The following ACBD6 variants were observed in gnomAD, a reference collection of about 807,000 sequenced individuals.
ACBD6 encodes acyl-CoA binding domain containing 6.
Under a neutral mutation model 37.2 loss-of-function variants are expected in ACBD6, and 28 were observed. The ratio of observed to expected loss-of-function variants is 0.75; its 90% CI spans 0.56 to 1.03. ACBD6 has a LOEUF of 1.03. ACBD6 is among the 50% of genes least tolerant of loss of function. The probability of loss-of-function intolerance (pLI) is 0.00; values close to 1 mark genes in which losing one functional copy is unlikely to be tolerated. For synonymous variants in ACBD6, 113 were observed against 126.8 expected, an observed-to-expected ratio of 0.89 and a Z score of 0.73; for missense variants, 340 against 337.4, an observed-to-expected ratio of 1.01 and a Z score of -0.06.
intron 4 of ACBD6, among the ~76,000 whole-genome samples, chr1:180,422,950 T>C (rs190887157): frequency 7.0e-4 from 106 of 152,350 alleles, no homozygotes; most frequent in Admixed American, 6.9e-3. Context: ...AGTTATGATT[T>C]AATACTGCAT....
At chr1:180,434,816 C>T (rs969581089) in intron 3 of ACBD6, 16 of 721,058 alleles carry the variant, frequency 2.2e-5, no homozygotes, top group Non-Finnish European at 2.9e-5. Context: ...GTGCCACCCA[C>T]GAATGCCAAT....
At chr1:180,399,122 T>C (rs1165655571) in intron 5 of ACBD6, among the ~76,000 whole-genome samples, 4 of 152,232 alleles carry the variant, frequency 2.6e-5, no homozygotes, top group Non-Finnish European at 5.9e-5. Context: ...CCTGTAAATA[T>C]CTGTTTTCTA....
intron 6 of ACBD6, among the ~76,000 whole-genome samples, chr1:180,378,034 T>C (rs922958422): frequency 6.6e-6 from 1 of 151,712 alleles, no homozygotes. Context: ...AGTATCTCAC[T>C]CCACCCCATA....
At chr1:180,304,453 T>A (rs1015649217) in intron 7 of ACBD6, among the ~76,000 whole-genome samples, 17 of 150,920 alleles carry the variant, frequency 1.1e-4, no homozygotes, top group Non-Finnish European at 2.5e-4. Context: ...AGCATTCTTA[T>A]ACAACAATAA....
At chr1:180,481,744 C>T (rs1301744644) in intron 3 of ACBD6, among the ~76,000 whole-genome samples, 1 of 152,178 alleles carries the variant, frequency 6.6e-6, no homozygotes. Flanking sequence ...GTTGGAAATA[C>T]ACTCTAAGAG....
At chr1:180,301,211 A>G (rs1237915191) in intron 7 of ACBD6, among the ~76,000 whole-genome samples, 1 of 152,188 alleles carries the variant, frequency 6.6e-6, no homozygotes, top group Non-Finnish European at 1.5e-5. Context: ...CTTTTTAAAG[A>G]GTACAAAATG....
chr1:180,502,022 C>G, intron 1 of ACBD6, 23 bp downstream of exon 1: 1 of 1,610,734 alleles, frequency 6.2e-7, no homozygotes, highest in Non-Finnish European at 8.5e-7. Flanking sequence ...TCTCCCCCAT[C>G]CACCCTCTCC....
At chr1:180,278,232 C>T (rs1265901503) in intron 9 of ACBD6, 4 of 152,154 alleles carry the variant, frequency 2.6e-5, no homozygotes, top group Admixed American at 6.5e-5. Flanking sequence ...AATTGGAAAC[C>T]GTGAGATGAA....
intron 1 of ACBD6, among the ~76,000 whole-genome samples, chr1:180,498,640 G>A (rs559746149): frequency 6.6e-6 from 1 of 152,212 alleles, no homozygotes; most frequent in South Asian, 2.1e-4. Flanking sequence ...GATCACCTGA[G>A]ATCAGGAGAC....
intron 6 of ACBD6, among the ~76,000 whole-genome samples, chr1:180,342,726 A>T (rs1298441811): frequency 6.6e-6 from 1 of 152,092 alleles, no homozygotes; most frequent in African/African-American, 2.4e-5. Context: ...GTATAAGCCC[A>T]AACATTTTTT....
intron 7 of ACBD6, among the ~76,000 whole-genome samples, chr1:180,290,816 A>G (rs887278876): frequency 6.6e-6 from 1 of 152,254 alleles, no homozygotes; most frequent in African/African-American, 2.4e-5. Flanking sequence ...GGGAAGCAGT[A>G]CAAAGAGTTG....
chr1:180,339,448 G>A (rs368202514), intron 6 of ACBD6, among the ~76,000 whole-genome samples: 17 of 152,264 alleles, frequency 1.1e-4, no homozygotes, highest in South Asian at 8.3e-4. Flanking sequence ...ACCAAACACC[G>A]CATGTTCTCA....
chr1:180,338,509 C>T (rs915455402), intron 6 of ACBD6, among the ~76,000 whole-genome samples: 27 of 152,182 alleles, frequency 1.8e-4, no homozygotes, highest in African/African-American at 6.5e-4. Context: ...CTTCCTTACA[C>T]CTTCTACAAA....
intron 3 of ACBD6, among the ~76,000 whole-genome samples, chr1:180,447,544 T>C (rs919173234): frequency 2.6e-5 from 4 of 152,172 alleles, no homozygotes; most frequent in African/African-American, 9.7e-5. Flanking sequence ...AATATGTAAG[T>C]CATTTGTATT....
rs74132477 is a variant in ACBD6, at chr1:180,372,095, T to C, written c.663+25421A>G. On this transcript the variant is annotated intron_variant, in intron 6 of 7. Transcript: ENST00000367595. ...TGATGATGATGGATAAACAACAATA[T>C]ACCACATAAAAGAACAACCAAGATT... is the stretch of plus-strand genomic sequence containing the variant. Among the ~76,000 whole-genome samples, 8 of 152,090 alleles carry C rather than the reference T, an allele frequency of 5.3e-5. No individual in the cohort carries two copies. In the East Asian group the frequency reaches 1.3e-3, roughly 26 times the overall value.
rs200889836 is a variant in ACBD6 at position 180,274,552 on chromosome 1, C to G, written c.*936+99G>C. ...TTCCAACTAGCCCAGGCTCTTGGCT[C>G]GATGAAATGGATCATCCTCCTTTTT... On this transcript the variant is annotated intron_variant, in intron 10 of 13. Coordinates refer to the ACBD6 transcript ENST00000642319. The G allele has an allele frequency of 1.9e-6, 3 of 1,590,724 alleles. No homozygotes were observed. In the South Asian group the frequency reaches 3.3e-5, roughly 18 times the overall value.
intron 6 of ACBD6, among the ~76,000 whole-genome samples, chr1:180,396,546 T>A (rs1447487521): frequency 6.6e-6 from 1 of 152,138 alleles, no homozygotes; most frequent in Non-Finnish European, 1.5e-5. Context: ...AAATCATGTA[T>A]CTGATAAGGG....
In ACBD6 at chr1:180,450,803, T is replaced by C. The variant is rs549212686; in HGVS notation, c.385-20541A>G. 2.6e-5 allele frequency among the ~76,000 whole-genome samples: 4 copies of C among 151,674 alleles called. No individual in the cohort carries two copies. In the South Asian group the frequency reaches 6.2e-4, roughly 24 times the overall value. ...AAAAAAAACTTCTGAAAGACTCATATAAAAAACTGAACATCGTCTATGTGG... is the reference window on the plus strand; with the variant it reads ...AAAAAAAACTTCTGAAAGACTCATACAAAAAACTGAACATCGTCTATGTGG... On this transcript the variant is annotated intron_variant, in intron 3 of 7. Coordinates refer to ENST00000367595, the MANE Select transcript of ACBD6 (RefSeq NM_032360.4).
intron 7 of ACBD6, among the ~76,000 whole-genome samples, chr1:180,305,991 C>G (rs531908607): frequency 1.3e-5 from 2 of 151,234 alleles, no homozygotes; most frequent in South Asian, 4.2e-4. Flanking sequence ...AGCAAACTAT[C>G]GCAAGGACAA....
Sources: allele counts gnomAD v4.1 joint callset (sites outside exome capture counted in the v4.1 genomes callset), GRCh38; gene constraint gnomAD v4.1.1; transcripts MANE v1.5; gene names NCBI Gene and HGNC (gene_info 2026-07-23, HGNC 2026-07-21).